The following CCDC148 variants were observed in gnomAD, a reference collection of about 807,000 sequenced individuals.
CCDC148 encodes the protein coiled-coil domain containing 148.
In CCDC148, 89 loss-of-function variants were observed where a neutral mutation model predicts 85.7. That is an observed-to-expected ratio of 1.04 (90% CI 0.87 to 1.24). CCDC148 has a LOEUF of 1.24. Among genes scored for constraint, CCDC148 ranks in the 50% most tolerant of loss-of-function variants. The pLI, the probability that CCDC148 is intolerant of heterozygous loss-of-function variation, is 0.00. For missense variants in CCDC148, 692 were observed against 671.7 expected (o/e 1.03, Z -0.33); for synonymous variants, 230 against 213.9 (o/e 1.08, Z -0.66).
At chr2:158,351,701 G>A (rs1034397047) in intron 2 of CCDC148, among the ~76,000 whole-genome samples, 139 of 152,314 alleles carry the variant, frequency 9.1e-4, no homozygotes, top group African/African-American at 3.1e-3. Context: ...CAGCCAGGAA[G>A]CTCCAACTGG....
chr2:158,185,473 G>T (rs916042265), intron 11 of CCDC148, among the ~76,000 whole-genome samples: 5 of 152,100 alleles, frequency 3.3e-5, no homozygotes, highest in African/African-American at 1.2e-4. Context: ...CCAAGGGTTG[G>T]ATATCTTATC....
In CCDC148 at chr2:158,371,150, T is replaced by C. The variant is rs184671936; in HGVS notation, c.26-12580A>G. 1.8e-3 allele frequency among the ~76,000 whole-genome samples: 277 copies of C among 152,070 alleles called. 1 individual carries two copies. The highest frequency in any genetic ancestry group is 6.4e-3 in the African/African-American group (267 of 41,530). On this transcript the variant is annotated intron_variant, in intron 1 of 13. Transcript: ENST00000283233. The stretch of plus-strand genomic sequence containing the variant: ...CCTATTTTACCAATTAAAAAAGAAA[T>C]TGGATTTCATGACATCAAGAATCCT...
intron 9 of CCDC148, 33 bp from the exon 10 acceptor site, chr2:158,250,945 C>T: frequency 1.3e-6 from 2 of 1,575,486 alleles, no homozygotes; most frequent in Non-Finnish European, 8.6e-7. Flanking sequence ...ATTCCAGTAA[C>T]TATGCACACT....
At chr2:158,247,467 C>A (rs1238764671) in intron 10 of CCDC148, among the ~76,000 whole-genome samples, 1 of 152,132 alleles carries the variant, frequency 6.6e-6, no homozygotes, top group East Asian at 1.9e-4. Flanking sequence ...CTGGCTGCTG[C>A]AGCACAGCCT....
chr2:158,183,114 A>G (rs1467671711), intron 11 of CCDC148, among the ~76,000 whole-genome samples: 1 of 152,164 alleles, frequency 6.6e-6, no homozygotes, highest in Non-Finnish European at 1.5e-5. Context: ...AAAGTGCTGC[A>G]AAAGAGGCAT....
intron 13 of CCDC148, among the ~76,000 whole-genome samples, chr2:158,174,817 T>C (rs1684495439): frequency 6.6e-6 from 1 of 152,052 alleles, no homozygotes; most frequent in Non-Finnish European, 1.5e-5. Flanking sequence ...AAGACACTAC[T>C]AGGCAATAGA....
chr2:158,288,999 A>G (rs1574555598), intron 9 of CCDC148, among the ~76,000 whole-genome samples: 1 of 152,302 alleles, frequency 6.6e-6, no homozygotes, highest in Non-Finnish European at 1.5e-5. Context: ...ATATCTCATG[A>G]GACTTAGTCA....
chr2:158,198,187 C>G (rs1685773002), intron 11 of CCDC148, among the ~76,000 whole-genome samples: 2 of 152,146 alleles, frequency 1.3e-5, no homozygotes, highest in Non-Finnish European at 2.9e-5. Context: ...CTGACTCATC[C>G]CTGGCACCCC....
At chr2:158,404,513 A>C (rs1326657639) in intron 1 of CCDC148, among the ~76,000 whole-genome samples, 1 of 152,146 alleles carries the variant, frequency 6.6e-6, no homozygotes, top group Non-Finnish European at 1.5e-5. Flanking sequence ...CCTCTTCAGC[A>C]TTCTAAATTT....
intron 9 of CCDC148, among the ~76,000 whole-genome samples, chr2:158,273,326 C>G (rs1316973968): frequency 2.0e-5 from 3 of 152,026 alleles, no homozygotes; most frequent in Non-Finnish European, 4.4e-5. Flanking sequence ...CAATATACCC[C>G]CAATGTCCCG....
chr2:158,324,932 C>T (rs1010167581), intron 7 of CCDC148, among the ~76,000 whole-genome samples: 1 of 151,924 alleles, frequency 6.6e-6, no homozygotes, highest in Non-Finnish European at 1.5e-5. Context: ...GCAGATGAAC[C>T]ATCTGTGCTT....
chr2:158,210,346 C>T (rs1266996228), intron 11 of CCDC148, among the ~76,000 whole-genome samples: 2 of 152,118 alleles, frequency 1.3e-5, no homozygotes, highest in African/African-American at 4.8e-5. Flanking sequence ...GACTTAGACT[C>T]CCACACAATA....
intron 11 of CCDC148, among the ~76,000 whole-genome samples, chr2:158,186,706 T>G (rs1406483294): frequency 6.6e-6 from 1 of 152,022 alleles, no homozygotes; most frequent in Admixed American, 6.6e-5. Flanking sequence ...AAGCCATACA[T>G]TCTGTCTCCA....
At chr2:158,309,402 C>A in intron 9 of CCDC148, 31 bp downstream of exon 9, 1 of 1,556,862 alleles carries the variant, frequency 6.4e-7, no homozygotes, top group Non-Finnish European at 8.8e-7. Context: ...AATATCCAGA[C>A]AAATACTGAA....
rs1558959930 is a variant in CCDC148, at chr2:158,178,967, CT to C, written c.1399del (p.Arg467GlyfsTer3). On this transcript the variant is annotated frameshift_variant, in exon 12 of 14. Coordinates refer to ENST00000283233, the MANE Select transcript of CCDC148 (RefSeq NM_138803.4). LOFTEE classifies it high-confidence loss of function. Reference protein sequence around the residue: ...RVKYRQELLERRLMEKKEVAL... With the variant: ...RVKYRQELLEXRLMEKKEVAL... ...CACTTCCTTTTTCTCCATCAAACGC[CT>C]TTCCAATAATTCTTGTCTATATTTA... is the stretch of plus-strand genomic sequence containing the variant. 1 of 1,613,348 alleles carries C rather than the reference CT, an allele frequency of 6.2e-7. No individual in the cohort carries two copies. Among genetic ancestry groups the C allele is most frequent in the African/African-American group, 1.3e-5 (1 of 74,984 alleles).
chr2:158,421,765 A>C (rs1238945757), intron 1 of CCDC148, among the ~76,000 whole-genome samples: 2 of 152,206 alleles, frequency 1.3e-5, no homozygotes, highest in African/African-American at 4.8e-5. Context: ...AGATAGAGAC[A>C]CAAAAAACCC....
Position 158,178,977 on chromosome 2 carries a change from A to C in CCDC148, c.1390T>G (p.Leu464Val). The change falls in exon 12 of 14, where the codon TTA becomes GTA. Residue 464 changes from leucine to valine, a missense_variant. By Grantham distance (32) the Leu-to-Val change is conservative. Transcript: ENST00000283233. ...TTCTCCATCAAACGCCTTTCCAATAATTCTTGTCTATATTTAACCCTTTAA... is the reference window on the plus strand; with the variant it reads ...TTCTCCATCAAACGCCTTTCCAATACTTCTTGTCTATATTTAACCCTTTAA... ...DRERVKYRQELLERRLMEKKE... is the reference protein window; with the variant it reads ...DRERVKYRQEVLERRLMEKKE... 1.2e-6 allele frequency: 2 copies of C among 1,612,676 alleles called. No homozygotes were observed. The highest frequency in any genetic ancestry group is 1.7e-6 in the Non-Finnish European group (2 of 1,179,162).
chr2:158,184,379 CCTA>C (rs1025258127), intron 11 of CCDC148, among the ~76,000 whole-genome samples: 1 of 152,022 alleles, frequency 6.6e-6, no homozygotes, highest in African/African-American at 2.4e-5. Flanking sequence ...TACTTAAGCA[CCTA>C]CTATGTGTCA....
intron 10 of CCDC148, among the ~76,000 whole-genome samples, chr2:158,233,206 A>G (rs757889828): frequency 6.6e-6 from 1 of 152,172 alleles, no homozygotes; most frequent in Non-Finnish European, 1.5e-5. Context: ...ATGCAACTCC[A>G]CACAAAAAGT....
Sources: gnomAD v4.1 joint callset for allele counts (sites outside exome capture counted in the v4.1 genomes callset) on GRCh38, gnomAD v4.1.1 for gene constraint, MANE v1.5 for transcripts, NCBI Gene and HGNC (gene_info 2026-07-23, HGNC 2026-07-21) for gene names.